PBX3: variants seen among roughly 807,000 people sequenced by gnomAD.
The protein encoded by PBX3 is PBX homeobox 3, also known as pre-B-cell leukemia transcription factor 3.
A neutral mutation model predicts 48.5 loss-of-function variants in PBX3; 14 were observed. That is an observed-to-expected ratio of 0.29 (90% confidence interval 0.19 to 0.45). PBX3 has a LOEUF of 0.45. Among genes scored for constraint, PBX3 ranks in the 20% least tolerant of loss-of-function variants. The pLI, the probability that PBX3 is intolerant of heterozygous loss-of-function variation, is 1.00. For synonymous variants in PBX3, 210 were observed against 200.3 expected (o/e 1.05, Z -0.41); for missense variants, 386 against 546.7 (o/e 0.71, Z 2.93).
intron 2 of PBX3, among the ~76,000 whole-genome samples, chr9:125,898,656 CA>C (rs1167692984): frequency 6.6e-6 from 1 of 151,662 alleles, no homozygotes; most frequent in Non-Finnish European, 1.5e-5. Flanking sequence ...TGCCCAAGGC[CA>C]TACAACCAAA....
chr9:125,924,172 A>G (rs139216801), intron 3 of PBX3, among the ~76,000 whole-genome samples: 284 of 152,356 alleles, frequency 1.9e-3, no homozygotes, highest in Admixed American at 3.6e-3. Flanking sequence ...GGCCAGCCCT[A>G]ATTAATTTAA....
At chr9:125,933,115 A>G (rs1308985935) in intron 4 of PBX3, among the ~76,000 whole-genome samples, 2 of 152,238 alleles carry the variant, frequency 1.3e-5, no homozygotes, top group Non-Finnish European at 2.9e-5. Context: ...CTTCAAGTGA[A>G]TGCAAATACT....
chr9:125,854,808 AAGTTGCCATGGGTT>A, intron 2 of PBX3, among the ~76,000 whole-genome samples: 1 of 152,304 alleles, frequency 6.6e-6, no homozygotes, highest in Non-Finnish European at 1.5e-5. Flanking sequence ...TTTGGTTATC[AAGTTGCCATGGGTT>A]CCAAACTCCC....
intron 2 of PBX3, among the ~76,000 whole-genome samples, chr9:125,774,128 A>G (rs539003359): frequency 5.4e-4 from 83 of 152,306 alleles, no homozygotes; most frequent in Non-Finnish European, 1.1e-3. Flanking sequence ...ACTTAGAATC[A>G]TGGCAGAAGG....
chr9:125,777,099 C>A (rs963995719), intron 2 of PBX3, among the ~76,000 whole-genome samples: 3 of 150,186 alleles, frequency 2.0e-5, no homozygotes, highest in Non-Finnish European at 4.4e-5. Flanking sequence ...GCAACCTCTG[C>A]CTCCCAGGTT....
intron 2 of PBX3, among the ~76,000 whole-genome samples, chr9:125,890,998 T>C (rs1330216013): frequency 1.3e-5 from 2 of 152,236 alleles, no homozygotes; most frequent in African/African-American, 2.4e-5. Flanking sequence ...TTCAAGGCCA[T>C]GTGTAGTTGC....
At chr9:125,763,369 A>G (rs1210325043) in intron 2 of PBX3, among the ~76,000 whole-genome samples, 1 of 152,224 alleles carries the variant, frequency 6.6e-6, no homozygotes, top group Non-Finnish European at 1.5e-5. Context: ...ACAAAAAGAT[A>G]TTGTTACCGA....
intron 2 of PBX3, among the ~76,000 whole-genome samples, chr9:125,750,074 T>C (rs1483735548): frequency 6.6e-6 from 1 of 152,228 alleles, no homozygotes; most frequent in Non-Finnish European, 1.5e-5. Context: ...CATCTAGCAT[T>C]CAGTCTTGAA....
At chr9:125,952,004 A>C (rs548005310) in intron 5 of PBX3, among the ~76,000 whole-genome samples, 63 of 152,338 alleles carry the variant, frequency 4.1e-4, no homozygotes, top group African/African-American at 1.5e-3. Context: ...CCTCACTTCA[A>C]ATTGAATCAC....
intron 2 of PBX3, among the ~76,000 whole-genome samples, chr9:125,904,053 A>G (rs1841013950): frequency 6.6e-6 from 1 of 151,888 alleles, no homozygotes; most frequent in Non-Finnish European, 1.5e-5. Context: ...GCTCTCAAAA[A>G]ATGTGAGGTC....
chr9:125,835,051 A>AAAAAAAAAAAAG (rs1564681272), intron 2 of PBX3, among the ~76,000 whole-genome samples: 1 of 108,002 alleles, frequency 9.3e-6, no homozygotes, highest in African/African-American at 3.8e-5. Flanking sequence ...AAAAAAAAAA[A>AAAAAAAAAAAAG]GGGCAAAAGA....
intron 3 of PBX3, among the ~76,000 whole-genome samples, chr9:125,923,621 A>G (rs1841502220): frequency 6.6e-6 from 1 of 152,180 alleles, no homozygotes; most frequent in Non-Finnish European, 1.5e-5. Flanking sequence ...GCTGGAGTAC[A>G]GTGGGGCGAA....
At chr9:125,867,845 CACAT>C (rs1840027611) in intron 2 of PBX3, among the ~76,000 whole-genome samples, 1 of 151,642 alleles carries the variant, frequency 6.6e-6, no homozygotes, top group African/African-American at 2.4e-5. Flanking sequence ...TACACACACA[CACAT>C]ACATATATTT....
chr9:125,762,338 GTATA>G (rs1361099402), intron 2 of PBX3, among the ~76,000 whole-genome samples: 1 of 152,058 alleles, frequency 6.6e-6, no homozygotes, highest in African/African-American at 2.4e-5. Flanking sequence ...ATGTGTATCT[GTATA>G]TATTTGTAAT....
At chr9:125,748,075 C>T (rs144979191) in intron 1 of PBX3, 5,811 of 238,718 alleles carry the variant, frequency 0.024, 370 homozygotes, top group African/African-American at 0.13. Context: ...CCGGGCCCGG[C>T]GCGGGGCGAT....
Position 125,818,439 on chromosome 9 carries a change from A to T in PBX3, c.274+69816A>T, listed in dbSNP as rs147529954. ...AGCCTCTGCCTCCTGGGTTCAATTG[A>T]TTCTCCTGTCTCAGCCTCCTGAGTA... On this transcript the variant is annotated intron_variant, in intron 2 of 8. Transcript: ENST00000373489. Among the ~76,000 whole-genome samples the T allele has an allele frequency of 8.0e-3, 1,203 of 151,198 alleles. 35 individuals carry two copies. The East Asian group carries it at 0.097, about 12-fold the overall frequency.
At chr9:125,866,188 A>T (rs952981834) in intron 2 of PBX3, among the ~76,000 whole-genome samples, 1 of 152,144 alleles carries the variant, frequency 6.6e-6, no homozygotes, top group Non-Finnish European at 1.5e-5. Context: ...GGCATCTTTC[A>T]CTGAATAGTA....
intron 4 of PBX3, 40 bp downstream of exon 4, chr9:125,929,885 T>A: frequency 5.6e-6 from 8 of 1,432,054 alleles, no homozygotes; most frequent in Non-Finnish European, 7.8e-6. Context: ...CTTTCCCCCG[T>A]CTGTCACTCC....
intron 2 of PBX3, among the ~76,000 whole-genome samples, chr9:125,878,947 G>A (rs750403449): frequency 1.3e-5 from 2 of 151,980 alleles, no homozygotes; most frequent in African/African-American, 2.4e-5. Flanking sequence ...ATCACTAAAA[G>A]TGAGTGATTT....
Sources: allele counts gnomAD v4.1 joint callset (sites outside exome capture counted in the v4.1 genomes callset), GRCh38; gene constraint gnomAD v4.1.1; transcripts MANE v1.5; gene names NCBI Gene and HGNC (gene_info 2026-07-23, HGNC 2026-07-21).